Variants in AKAP13 observed in about 807,000 individuals in gnomAD.
AKAP13 encodes A-kinase anchor protein 13.
Under a neutral mutation model 264.5 loss-of-function variants are expected in AKAP13, and 80 were observed. The ratio of observed to expected loss-of-function variants is 0.30; its 90% CI spans 0.25 to 0.36. AKAP13 has a LOEUF of 0.36. Among genes scored for constraint, AKAP13 ranks in the 10% least tolerant of loss-of-function variants. AKAP13 has a pLI of 1.00. For synonymous variants in AKAP13, 1,380 were observed against 1,250.2 expected (o/e 1.10, Z -2.19); for missense variants, 3,712 against 3,435.2 (o/e 1.08, Z -2.01).
chr15:85,553,313 C>A (rs1196952209), intron 5 of AKAP13, among the ~76,000 whole-genome samples: 1 of 152,110 alleles, frequency 6.6e-6, no homozygotes, highest in Non-Finnish European at 1.5e-5. Context: ...GTCTTGAACT[C>A]CTGACCTCAG....
At chr15:85,529,387 C>T (rs1411654171) in intron 3 of AKAP13, among the ~76,000 whole-genome samples, 3 of 152,176 alleles carry the variant, frequency 2.0e-5, no homozygotes, top group African/African-American at 4.8e-5. Context: ...TGCCACTGCA[C>T]TCCAGCCTGG....
Position 85,580,724 on chromosome 15 carries a change from A to G in AKAP13, c.2656A>G (p.Ile886Val), listed in dbSNP as rs116479144. Residue 886 changes from isoleucine (I) to valine (V), a missense_variant, in exon 7 of 37, where the codon ATC becomes GTC. By Grantham distance (29) the Ile-to-Val change is conservative. Around this residue, in one of 3 missense-constraint regions of AKAP13, gnomAD observed 2,759 missense variants for 2,411.7 expected, o/e 1.14. Coordinates refer to ENST00000394518, the MANE Select transcript of AKAP13 (RefSeq NM_007200.5). ...APPAIPEALN[I>V]KGNTDSSLQS... ...TCCAGCAATCCCAGAAGCTCTGAAT[A>G]TCAAGGGGAACACTGACTCTTCCCT... The G allele has an allele frequency of 1.1e-4, 173 of 1,614,176 alleles. No individual in the cohort carries two copies. In the African/African-American group the frequency reaches 2.0e-3, roughly 18 times the overall value.
chr15:85,662,534 C>G (rs2083403242), intron 12 of AKAP13: 5 of 1,534,304 alleles, frequency 3.3e-6, no homozygotes, highest in Admixed American at 1.7e-5. Flanking sequence ...GAGCTGGCTT[C>G]TGTGTGGCTG....
At position 85,650,755 on chromosome 15, in the gene AKAP13, C is replaced by CAAAAAAAAAAAAAAAAAAAAAAAAAAAA. The variant is rs66624781; in HGVS notation, c.4375-4654_4375-4627dup. Among the ~76,000 whole-genome samples the CAAAAAAAAAAAAAAAAAAAAAAAAAAAA allele has an allele frequency of 5.2e-4, 17 of 32,618 alleles. 3 individuals carry two copies. The highest frequency in any genetic ancestry group is 1.5e-3 in the East Asian group (2 of 1,326). 21.4% of individuals were successfully genotyped at this position (32,618 alleles called of 152,430 possible). On this transcript the variant is annotated intron_variant, in intron 10 of 36. Coordinates refer to ENST00000394518, the MANE Select transcript of AKAP13 (RefSeq NM_007200.5). ...TGGGCAACAGAGTGAGACTCCATCT[C>CAAAAAAAAAAAAAAAAAAAAAAAAAAAA]AAAAAAAAAAAAAAAAAAAAAAAAA...
At chr15:85,734,064 CT>C (rs1392107457) in intron 30 of AKAP13, among the ~76,000 whole-genome samples, 2 of 151,938 alleles carry the variant, frequency 1.3e-5, no homozygotes, top group Admixed American at 6.6e-5. Context: ...AACTCCTGAC[CT>C]CAGGTGATCT....
chr15:85,680,531 T>A (rs2084531361), intron 14 of AKAP13, among the ~76,000 whole-genome samples: 1 of 152,158 alleles, frequency 6.6e-6, no homozygotes, highest in South Asian at 2.1e-4. Flanking sequence ...AGACTTAGAA[T>A]TTGTTTTAAG....
rs374874285 is a variant in AKAP13, at chr15:85,660,400, A to G, written c.4799+1810A>G. ...AAAAAGCTTTTATGTCTGTCTTCCTATCTCCCTATTGTTTTTCACTCTCTT... is the reference window on the plus strand; with the variant it reads ...AAAAAGCTTTTATGTCTGTCTTCCTGTCTCCCTATTGTTTTTCACTCTCTT... On this transcript the variant is annotated intron_variant, in intron 12 of 36. Transcript: ENST00000394518. 7.0e-5 allele frequency among the ~76,000 whole-genome samples: 10 copies of G among 142,420 alleles called. No individual in the cohort carries two copies. In the East Asian group the frequency reaches 1.3e-3, roughly 18 times the overall value. The allele number at this position is 142,420 out of a possible 152,430, so 93.4% of individuals were successfully genotyped here.
chr15:85,460,321 C>T (rs957107041), intron 1 of AKAP13, among the ~76,000 whole-genome samples: 1 of 152,176 alleles, frequency 6.6e-6, no homozygotes, highest in East Asian at 1.9e-4. Context: ...TTTATTCTCC[C>T]TGGAAAGTAC....
chr15:85,599,765 G>A (rs1472650387), intron 8 of AKAP13, among the ~76,000 whole-genome samples: 1 of 152,184 alleles, frequency 6.6e-6, no homozygotes, highest in East Asian at 1.9e-4. Flanking sequence ...GCTGGGTGAG[G>A]TGGTTCATGC....
chr15:85,677,177 A>G, intron 14 of AKAP13: 1 of 974,024 alleles, frequency 1.0e-6, no homozygotes, highest in South Asian at 4.8e-5. Flanking sequence ...CTTGGTACTA[A>G]GAAATTGTAT....
intron 2 of AKAP13, among the ~76,000 whole-genome samples, chr15:85,501,847 G>A (rs1417050736): frequency 6.6e-6 from 1 of 151,914 alleles, no homozygotes; most frequent in African/African-American, 2.4e-5. Flanking sequence ...GGAAGAAGCG[G>A]GCTATTGCCT....
chr15:85,512,148 T>C (rs1273820908), intron 2 of AKAP13, among the ~76,000 whole-genome samples: 2 of 152,178 alleles, frequency 1.3e-5, no homozygotes, highest in East Asian at 3.9e-4. Flanking sequence ...ATTTACTCAG[T>C]TATGGAACAA....
At chr15:85,671,501 T>C (rs902356622) in intron 14 of AKAP13, among the ~76,000 whole-genome samples, 3 of 151,970 alleles carry the variant, frequency 2.0e-5, no homozygotes, top group Non-Finnish European at 4.4e-5. Context: ...GTTAACTTTT[T>C]TCTTGTTTTC....
chr15:85,658,383 A>G (rs1232769552), intron 11 of AKAP13, among the ~76,000 whole-genome samples, 154 bp from the exon 12 acceptor site: 1 of 152,124 alleles, frequency 6.6e-6, no homozygotes, highest in Non-Finnish European at 1.5e-5. Context: ...TTTGGTCCTG[A>G]TGTTTTTCTC....
chr15:85,699,734 C>T (rs1004332853), intron 17 of AKAP13, among the ~76,000 whole-genome samples: 5 of 152,154 alleles, frequency 3.3e-5, no homozygotes, highest in Admixed American at 1.3e-4. Context: ...ATTTAATGGA[C>T]AAAGCAGAAT....
chr15:85,457,070 G>C (rs895618931), intron 1 of AKAP13, among the ~76,000 whole-genome samples: 1 of 152,062 alleles, frequency 6.6e-6, no homozygotes, highest in Non-Finnish European at 1.5e-5. Context: ...CCTTTTTTCT[G>C]ATCAGTAACT....
chr15:85,730,337 A>G (rs563454733), intron 29 of AKAP13, among the ~76,000 whole-genome samples, 176 bp from the exon 30 acceptor site: 1 of 152,322 alleles, frequency 6.6e-6, no homozygotes, highest in African/African-American at 2.4e-5. Flanking sequence ...CCAGATAGAA[A>G]TCACAGAACA....
At chr15:85,571,336 T>A (rs1174056055) in intron 5 of AKAP13, among the ~76,000 whole-genome samples, 1 of 152,216 alleles carries the variant, frequency 6.6e-6, no homozygotes, top group Non-Finnish European at 1.5e-5. Flanking sequence ...TGAACTTTTA[T>A]TTCAGTTATT....
At chr15:85,587,556 ATGGTAAT>A (rs1567142127) in intron 8 of AKAP13, among the ~76,000 whole-genome samples, 2 of 152,210 alleles carry the variant, frequency 1.3e-5, no homozygotes, top group Non-Finnish European at 2.9e-5. Context: ...GCTGGGTCAT[ATGGTAAT>A]TTCCATTTAT....
Sources: allele counts gnomAD v4.1 joint callset (sites outside exome capture counted in the v4.1 genomes callset), GRCh38; gene constraint gnomAD v4.1.1; regional missense constraint gnomAD v4.1.1; transcripts MANE v1.5; gene names NCBI Gene and HGNC (gene_info 2026-07-23, HGNC 2026-07-21).